ZFAND6: variants seen among roughly 807,000 people sequenced by gnomAD.
ZFAND6 encodes the protein AN1-type zinc finger protein 6.
ZFAND6 carries 12 observed loss-of-function variants against 24.5 expected under a neutral mutation model. The ratio of observed to expected loss-of-function variants is 0.49; its 90% CI spans 0.31 to 0.79. The LOEUF is 0.79. Ranked by LOEUF, ZFAND6 falls within the 30% of genes least tolerant of loss-of-function variation. The pLI is 0.04. For missense variants in ZFAND6, 207 were observed against 245.9 expected, an observed-to-expected ratio of 0.84 and a Z score of 1.06; for synonymous variants, 92 against 81.5, an observed-to-expected ratio of 1.13 and a Z score of -0.69.
intron 2 of ZFAND6, among the ~76,000 whole-genome samples, chr15:80,108,795 A>G (rs1003152192): frequency 1.3e-5 from 2 of 151,816 alleles, no homozygotes; most frequent in African/African-American, 2.4e-5. Flanking sequence ...CAGTGGTGCA[A>G]TCATGGCTCA....
chr15:80,132,517 C>G (rs1480890012), intron 6 of ZFAND6, among the ~76,000 whole-genome samples: 2 of 152,284 alleles, frequency 1.3e-5, no homozygotes, highest in African/African-American at 2.4e-5. Flanking sequence ...CTATACTTCT[C>G]TAATAATTTC....
intron 1 of ZFAND6, among the ~76,000 whole-genome samples, chr15:80,070,267 AT>A (rs2036899417): frequency 6.6e-6 from 1 of 152,194 alleles, no homozygotes; most frequent in South Asian, 2.1e-4. Flanking sequence ...AGCTGATAAG[AT>A]TTGGGAAACT....
At chr15:80,124,108 T>A (rs2040266612) in intron 5 of ZFAND6, among the ~76,000 whole-genome samples, 1 of 152,208 alleles carries the variant, frequency 6.6e-6, no homozygotes, top group African/African-American at 2.4e-5. Context: ...TCAAAAAATT[T>A]AAGGAAGGGC....
chr15:80,127,807 A>C (rs938941720), intron 5 of ZFAND6, among the ~76,000 whole-genome samples: 1 of 152,198 alleles, frequency 6.6e-6, no homozygotes, highest in Non-Finnish European at 1.5e-5. Context: ...CAAAAAATTA[A>C]AAAGAATTGT....
intron 2 of ZFAND6, among the ~76,000 whole-genome samples, chr15:80,100,035 C>G (rs575658533): frequency 9.9e-5 from 15 of 152,148 alleles, no homozygotes; most frequent in Non-Finnish European, 1.5e-4. Flanking sequence ...CCATTATTTT[C>G]TTTTCTATAT....
intron 1 of ZFAND6, among the ~76,000 whole-genome samples, chr15:80,065,537 A>ATTTTTTTT (rs149756891): frequency 0.011 from 834 of 76,454 alleles, 30 homozygotes; most frequent in East Asian, 0.029. Flanking sequence ...TTTGGTTTTG[A>ATTTTTTTT]TTTTTTTTTT....
At chr15:80,104,225 A>G (rs770867260) in intron 2 of ZFAND6, among the ~76,000 whole-genome samples, 1 of 152,176 alleles carries the variant, frequency 6.6e-6, no homozygotes, top group African/African-American at 2.4e-5. Context: ...TTTATATTAG[A>G]ACTAAATAGC....
intron 2 of ZFAND6, among the ~76,000 whole-genome samples, chr15:80,107,576 G>GC (rs1413929659): frequency 6.6e-6 from 1 of 152,092 alleles, no homozygotes; most frequent in Non-Finnish European, 1.5e-5. Flanking sequence ...TGTAATCCCA[G>GC]CTCTTTGGGA....
chr15:80,066,949 C>T (rs2036683443), intron 1 of ZFAND6, among the ~76,000 whole-genome samples: 1 of 151,736 alleles, frequency 6.6e-6, no homozygotes, highest in South Asian at 2.1e-4. Flanking sequence ...TCCCCATCTT[C>T]CAGCTGGATT....
intron 2 of ZFAND6, among the ~76,000 whole-genome samples, chr15:80,107,084 G>A (rs1371149705): frequency 1.3e-5 from 2 of 151,982 alleles, no homozygotes; most frequent in South Asian, 2.1e-4. Flanking sequence ...GCATGGTGGC[G>A]GACGCCAGTA....
upstream of ZFAND6, chr15:80,059,503 T>A (rs1364948389): frequency 6.6e-6 from 1 of 152,322 alleles, no homozygotes; most frequent in East Asian, 1.9e-4. Context: ...CCAATTGCCG[T>A]GCGCTCCGAG....
At chr15:80,106,837 T>A (rs59336716) in intron 2 of ZFAND6, among the ~76,000 whole-genome samples, 5,162 of 152,264 alleles carry the variant, frequency 0.034, 280 homozygotes, top group East Asian at 0.22. Flanking sequence ...AGAAACTAGA[T>A]TGAGGAAGGC....
chr15:80,133,883 C>T (rs568650983), intron 6 of ZFAND6, among the ~76,000 whole-genome samples: 2 of 152,186 alleles, frequency 1.3e-5, no homozygotes, highest in African/African-American at 4.8e-5. Context: ...ACAACAGGAA[C>T]GCTTAAACAA....
At chr15:80,092,813 T>C (rs2038466674) in intron 1 of ZFAND6, among the ~76,000 whole-genome samples, 1 of 152,156 alleles carries the variant, frequency 6.6e-6, no homozygotes, top group Non-Finnish European at 1.5e-5. Flanking sequence ...ATTTTAATTT[T>C]GTGGTAAAGA....
chr15:80,081,439 A>AG (rs2037662452), intron 1 of ZFAND6, among the ~76,000 whole-genome samples: 1 of 152,262 alleles, frequency 6.6e-6, no homozygotes, highest in South Asian at 2.1e-4. Context: ...AAGCGATTCA[A>AG]GAACCAAGCA....
At chr15:80,113,469 A>T (rs2039711769) in intron 2 of ZFAND6, among the ~76,000 whole-genome samples, 1 of 152,168 alleles carries the variant, frequency 6.6e-6, no homozygotes. Context: ...ATTATAAATT[A>T]TATTTTCTCC....
intron 1 of ZFAND6, among the ~76,000 whole-genome samples, chr15:80,074,613 A>G (rs2037161644): frequency 6.6e-6 from 1 of 151,948 alleles, no homozygotes; most frequent in Non-Finnish European, 1.5e-5. Context: ...ATGAATAATT[A>G]CAGGCTTTGA....
Position 80,121,830 on chromosome 15 carries a change from ACT to A in ZFAND6, c.263+15_263+16del. The A allele has an allele frequency of 6.2e-7, 1 of 1,602,830 alleles. No homozygotes were observed. Among genetic ancestry groups the A allele is most frequent in the East Asian group, 2.2e-5 (1 of 44,770 alleles). ...CATCTATGCAGCCCAGGTAAGATGT[ACT>A]CTCTGAATTCTAATGAGAATGCTAA... On this transcript the variant is annotated intron_variant, in intron 4 of 6. Coordinates refer to ENST00000261749, the MANE Select transcript of ZFAND6 (RefSeq NM_019006.4).
rs183839612 is a variant in ZFAND6 at position 80,071,767 on chromosome 15, A to G, written c.-181+11958A>G. 2.2e-3 allele frequency among the ~76,000 whole-genome samples: 334 copies of G among 152,046 alleles called. 3 individuals are homozygous for G. Among genetic ancestry groups the G allele is most frequent in the Admixed American group, 4.8e-3 (73 of 15,268 alleles). On this transcript the variant is annotated intron_variant, in intron 1 of 6. Transcript: ENST00000261749. ...CATTAAAAAAAAAAAAAAGATGAAA[A>G]AGACTTAAACTTTTCTAAATTTTAT...
Sources: gnomAD v4.1 joint callset for allele counts (sites outside exome capture counted in the v4.1 genomes callset) on GRCh38, gnomAD v4.1.1 for gene constraint, MANE v1.5 for transcripts, NCBI Gene and HGNC (gene_info 2026-07-23, HGNC 2026-07-21) for gene names.